The following AHNAK2 variants were observed in gnomAD, a reference collection of about 807,000 sequenced individuals.
AHNAK2 encodes the protein protein AHNAK2.
A neutral mutation model predicts 30.7 loss-of-function variants in AHNAK2; 18 were observed. The observed-to-expected ratio is 0.59, with a 90% CI of 0.41 to 0.87. The LOEUF (loss-of-function observed/expected upper bound fraction) is 0.87, where lower values mean the gene tolerates loss of function less well. AHNAK2 is among the 40% of genes least tolerant of loss of function. The pLI, the probability that AHNAK2 is intolerant of heterozygous loss-of-function variation, is 0.00. For missense variants in AHNAK2, 8,604 were observed against 7,373.0 expected (o/e 1.17, Z -6.11); for synonymous variants, 3,590 against 3,073.8 (o/e 1.17, Z -5.56).
In AHNAK2 at chr14:104,944,908, C is replaced by A. The variant is rs1392120497; in HGVS notation, c.10543G>T (p.Asp3515Tyr). ...ATGCTGAGGTCAGTGGCCTTGAGGT[C>A]CCCCTGCATGGAGGAGAGGCTCACG... is the stretch of plus-strand genomic sequence containing the variant. ...ADVSLSSMQGDLKATDLSIQP... is the reference protein window; with the variant it reads ...ADVSLSSMQGYLKATDLSIQP... The change falls in exon 7 of 7, where the codon GAC becomes TAC. Residue 3515 changes from aspartate (D) to tyrosine (Y), a missense_variant. By Grantham distance (160) the Asp-to-Tyr change is radical. Coordinates refer to ENST00000333244, the MANE Select transcript of AHNAK2 (RefSeq NM_138420.4). 3.1e-6 allele frequency: 5 copies of A among 1,613,230 alleles called. No homozygotes were observed. The highest frequency in any genetic ancestry group is 4.2e-6 in the Non-Finnish European group (5 of 1,179,626).
At chr14:104,961,485 A>C (rs1428572918) in intron 1 of AHNAK2, among the ~76,000 whole-genome samples, 1 of 151,452 alleles carries the variant, frequency 6.6e-6, no homozygotes, top group African/African-American at 2.4e-5. Flanking sequence ...ACTGCACTCC[A>C]GCCTGGGTGA....
In AHNAK2 at chr14:104,939,657, G is replaced by C; in HGVS notation, c.15794C>G (p.Ser5265Cys). ...AEVTASESKS[S>C]TDILRCDLDS... The stretch of plus-strand genomic sequence containing the variant: ...AAGATCACACCTTAGAATATCTGTG[G>C]ATGATTTGCTCTCAGAAGCTGTCAC... The change falls in exon 7 of 7, where the codon TCC becomes TGC. Residue 5265 changes from serine (S) to cysteine (C), a missense_variant. Coordinates refer to ENST00000333244, the MANE Select transcript of AHNAK2 (RefSeq NM_138420.4). The C allele has an allele frequency of 6.2e-7, 1 of 1,613,898 alleles. No homozygotes were observed. The highest frequency in any genetic ancestry group is 8.5e-7 in the Non-Finnish European group (1 of 1,179,900).
chr14:104,947,431 A>G lies in AHNAK2; in HGVS notation c.8020T>C (p.Ser2674Pro). Residue 2674 changes from serine to proline, a missense_variant, in exon 7 of 7, where the codon TCT (serine) becomes CCT (proline). Coordinates refer to ENST00000333244, the MANE Select transcript of AHNAK2 (RefSeq NM_138420.4). ...GESIEALVDV[S>P]ELKVEADMSL... is the part of the protein sequence containing the mutation. ...ATGTCGGCTTCCACCTTCAGCTCAG[A>G]CACATCCACCAACGCCTCGATGGAC... 2 of 1,611,976 alleles carry G rather than the reference A, an allele frequency of 1.2e-6. No homozygotes were observed. Among genetic ancestry groups the G allele is most frequent in the Non-Finnish European group, 1.7e-6 (2 of 1,179,364 alleles).
chr14:104,955,179 G>A, intron 5 of AHNAK2, 38 bp from the exon 6 acceptor site: 1 of 1,571,722 alleles, frequency 6.4e-7, no homozygotes, highest in African/African-American at 1.3e-5. Context: ...CCGGGTGTGT[G>A]AATGAGACGG....
rs75452303 is a variant in AHNAK2, at chr14:104,946,418, T to A, written c.9033A>T (p.Glu3011Asp). 3,759 of 1,606,654 alleles carry A rather than the reference T, an allele frequency of 2.3e-3. 17 individuals carry two copies. Among genetic ancestry groups the A allele is most frequent in the South Asian group, 3.7e-3 (333 of 89,948 alleles). ...VDVSAPKVEA[E>D]VSLPSMQGDL... ...CCCCCTGCATGGAGGGGAGGCTCAC[T>A]TCGGCCTCCACCTTCGGCGCAGACA... The change falls in exon 7 of 7, where the codon GAA (glutamate) becomes GAT (aspartate). Residue 3011 changes from glutamate (E) to aspartate (D), a missense_variant. By Grantham distance (45) the Glu-to-Asp change is conservative. Transcript: ENST00000333244.
At position 104,950,205 on chromosome 14, in the gene AHNAK2, A is replaced by G. The variant is rs11851881; in HGVS notation, c.5246T>C (p.Leu1749Ser). ...GHLPKVQMPS[L>S]KMPKVALKGP... The stretch of plus-strand genomic sequence containing the variant: ...CTTGAGGGCCACTTTGGGCATCTTC[A>G]AACTGGGCATCTGCACCTTGGGGAG... Residue 1749 changes from leucine (L) to serine (S), a missense_variant, in exon 7 of 7, where the codon TTG (leucine) becomes TCG (serine). Transcript: ENST00000333244. 192 of 1,584,740 alleles carry G rather than the reference A, an allele frequency of 1.2e-4. 24 individuals are homozygous for G. The African/African-American group carries it at 2.5e-3, about 21-fold the overall frequency.
In AHNAK2 at chr14:104,948,349, C is replaced by A. The variant is rs146438124; in HGVS notation, c.7102G>T (p.Val2368Phe). Reference protein sequence around the residue: ...QGDLKTTDLSVQPPSADLEVQ... With the variant: ...QGDLKTTDLSFQPPSADLEVQ... ...TCCAGGTCAGCGGAAGGGGGCTGAACGCTGAGGTCAGTGGTCTTGAGGTCC... is the reference window on the plus strand; with the variant it reads ...TCCAGGTCAGCGGAAGGGGGCTGAAAGCTGAGGTCAGTGGTCTTGAGGTCC... The change falls in exon 7 of 7, where the codon GTT (valine) becomes TTT (phenylalanine). Residue 2368 changes from valine to phenylalanine, a missense_variant. Transcript: ENST00000333244. 1 of 1,597,080 alleles carries A rather than the reference C, an allele frequency of 6.3e-7. No individual in the cohort carries two copies. The highest frequency in any genetic ancestry group is 8.5e-7 in the Non-Finnish European group (1 of 1,172,826).
Position 104,939,465 on chromosome 14 carries a change from G to C in AHNAK2, c.15986C>G (p.Pro5329Arg). The C allele has an allele frequency of 6.2e-7, 1 of 1,613,392 alleles. No homozygotes were observed. The highest frequency in any genetic ancestry group is 8.5e-7 in the Non-Finnish European group (1 of 1,179,766). The change falls in exon 7 of 7, where the codon CCT (proline) becomes CGT (arginine). Residue 5329 changes from proline (P) to arginine (R), a missense_variant. Physicochemically the swap from Pro to Arg is moderately radical, Grantham distance 103. Coordinates refer to ENST00000333244, the MANE Select transcript of AHNAK2 (RefSeq NM_138420.4). The part of the protein sequence containing the change: ...QVLPGEIDET[P>R]LSKPGHDLAS... Reference sequence around the variant, plus strand: ...AAGGTCATGTCCTGGCTTGGAAAGAGGAGTCTCATCTATTTCTCCTGGAAG... The same window carrying C: ...AAGGTCATGTCCTGGCTTGGAAAGACGAGTCTCATCTATTTCTCCTGGAAG...
rs1029648035 is a variant in AHNAK2, at chr14:104,968,317, C to T, written c.55+9866G>A. ...CCCTGGCCCAGAAAAGCTGCCTCCC[C>T]GAGAACTGGACTATCCTGGCGCAGG... On this transcript the variant is annotated intron_variant, in intron 1 of 6. Transcript: ENST00000333244. Among the ~76,000 whole-genome samples, 4 of 145,630 alleles carry T rather than the reference C, an allele frequency of 2.7e-5. No homozygotes were observed. The East Asian group carries it at 5.8e-4, about 21-fold the overall frequency.
rs1231855026 is a variant in AHNAK2, at chr14:104,950,546, C to G, written c.4905G>C (p.Leu1635=). 2 of 1,587,240 alleles carry G rather than the reference C, an allele frequency of 1.3e-6. 1 individual carries two copies. The highest frequency in any genetic ancestry group is 1.7e-6 in the Non-Finnish European group (2 of 1,163,060). Residue 1635 remains leucine, a synonymous_variant, in exon 7 of 7, where the codon CTG becomes CTC. Transcript: ENST00000333244. The part of the protein sequence containing the change: ...EVDVQAPRAK[L]DGAQLEGDLS... ...GGTCCCCCTCCAGCTGCGCACCATC[C>G]AGCTTTGCTCTCGGGGCCTGGACGT... is the stretch of plus-strand genomic sequence containing the variant.
Position 104,953,221 on chromosome 14 carries a change from G to A in AHNAK2, c.2230C>T (p.Pro744Ser). The A allele has an allele frequency of 1.9e-6, 3 of 1,612,900 alleles. No homozygotes were observed. Among genetic ancestry groups the A allele is most frequent in the East Asian group, 2.2e-5 (1 of 44,802 alleles). The change falls in exon 7 of 7, where the codon CCG becomes TCG. Residue 744 changes from proline to serine, a missense_variant. Physicochemically the swap from Pro to Ser is moderately conservative, Grantham distance 74. Transcript: ENST00000333244. ...VQDGQVDVKL[P>S]EGPLPEGASL... ...GCTCCCTCGGGCAGGGGGCCCTCCG[G>A]AAGTTTCACATCCACTTGGCCATCC...
rs1176183044 is a variant in AHNAK2, at chr14:104,946,671, C to G, written c.8780G>C (p.Gly2927Ala). 6.2e-7 allele frequency: 1 copy of G among 1,612,978 alleles called. No individual in the cohort carries two copies. Among genetic ancestry groups the G allele is most frequent in the African/African-American group, 1.3e-5 (1 of 74,640 alleles). Residue 2927 changes from glycine (G) to alanine (A), a missense_variant, in exon 7 of 7, where the codon GGC becomes GCC. Physicochemically the swap from Gly to Ala is moderately conservative, Grantham distance 60. Transcript: ENST00000333244. ...GGGGGCCGTCACCTCCGCCTTGGGG[C>G]CTTTCAGGTCCAGCTTGGGGCCCTT... ...DVKGPKLDLK[G>A]PKAEVTAPDV...
At position 104,978,253 on chromosome 14, in the gene AHNAK2, G is replaced by A; in HGVS notation, c.-16C>T. 1.7e-6 allele frequency: 2 copies of A among 1,193,942 alleles called. No individual in the cohort carries two copies. The highest frequency in any genetic ancestry group is 2.1e-6 in the Non-Finnish European group (2 of 963,448). 74.0% of individuals were successfully genotyped at this position (1,193,942 alleles called of 1,614,324 possible). A position where few individuals can be genotyped will look rare whatever the true frequency, so the allele number is the denominator to read the frequency against. ...AGTCGCACATCGCGGCGGCCAGGCG[G>A]TGCGGGCCTGGCGGCCCGTCGCGTC... On this transcript the variant is annotated 5_prime_UTR_variant, in exon 1 of 7. Coordinates refer to ENST00000333244, the MANE Select transcript of AHNAK2 (RefSeq NM_138420.4).
At position 104,938,281 on chromosome 14, in the gene AHNAK2, G is replaced by GTTCTTCCAGCTCTGCCCCATC. The variant is rs1566893940; in HGVS notation, c.17149_17169dup (p.Asp5717_Glu5723dup). On this transcript the variant is annotated inframe_insertion, in exon 7 of 7. Transcript: ENST00000333244. ...GTGATTGTTTCTTCTTGAAGTTTTT[G>GTTCTTCCAGCTCTGCCCCATC]TTCTTCCAGCTCTGCCCCATCTTCG... 2.5e-6 allele frequency: 4 copies of GTTCTTCCAGCTCTGCCCCATC among 1,613,736 alleles called. No individual in the cohort carries two copies. Among genetic ancestry groups the GTTCTTCCAGCTCTGCCCCATC allele is most frequent in the Non-Finnish European group, 3.4e-6 (4 of 1,179,860 alleles).
chr14:104,944,952 G>A lies in AHNAK2; in HGVS notation c.10499C>T (p.Ala3500Val), dbSNP rs374100559. ...GCTCACGTCGGCCTCCACCTTCGGC[G>A]CAGACACATCCAGCGAGGCCTCGAT... ...RSIEASLDVS[A>V]PKVEADVSLS... The change falls in exon 7 of 7, where the codon GCG becomes GTG. Residue 3500 changes from alanine to valine, a missense_variant. Transcript: ENST00000333244. 68 of 1,613,064 alleles carry A rather than the reference G, an allele frequency of 4.2e-5. 1 individual carries two copies. The highest frequency in any genetic ancestry group is 3.5e-4 in the South Asian group (32 of 91,058).
rs1898716747 is a variant in AHNAK2 at position 104,951,604 on chromosome 14, T to C, written c.3847A>G (p.Thr1283Ala). The change falls in exon 7 of 7, where the codon ACG (threonine) becomes GCG (alanine). Residue 1283 changes from threonine (T) to alanine (A), a missense_variant. By Grantham distance (58) the Thr-to-Ala change is moderately conservative. Transcript: ENST00000333244. Reference sequence around the variant, plus strand: ...AGAGACACAGCCACTTCGTGGGCCGTCACCTCTGCCTTATGACCTTTCAGG... The same window carrying C: ...AGAGACACAGCCACTTCGTGGGCCGCCACCTCTGCCTTATGACCTTTCAGG... ...LDLKGHKAEV[T>A]AHEVAVSLPS... is the part of the protein sequence containing the mutation. The C allele has an allele frequency of 1.6e-6, 2 of 1,246,722 alleles. No homozygotes were observed. Among genetic ancestry groups the C allele is most frequent in the African/African-American group, 1.4e-5 (1 of 70,596 alleles). 77.2% of individuals were successfully genotyped at this position (1,246,722 alleles called of 1,614,324 possible).
rs763260185 is a variant in AHNAK2, at chr14:104,946,799, GC to G, written c.8651del (p.Gly2884AlafsTer33). The G allele has an allele frequency of 1.9e-6, 3 of 1,612,778 alleles. No individual in the cohort carries two copies. The African/African-American group carries it at 4.0e-5, about 22-fold the overall frequency. On this transcript the variant is annotated frameshift_variant, in exon 7 of 7. Coordinates refer to ENST00000333244, the MANE Select transcript of AHNAK2 (RefSeq NM_138420.4). LOFTEE classifies it low-confidence loss of function (END_TRUNC). ...AGQVDVKLPE[G>X]HVPEGAGLKG... ...TGAGGCCGGCTCCCTCGGGAACGTG[GC>G]CCTCTGGGAGTTTCACGTCCACCTG...
At position 104,950,372 on chromosome 14, in the gene AHNAK2, G is replaced by T; in HGVS notation, c.5079C>A (p.Ser1693Arg). Residue 1693 changes from serine (S) to arginine (R), a missense_variant, in exon 7 of 7, where the codon AGC (serine) becomes AGA (arginine). By Grantham distance (110) the Ser-to-Arg change is moderately radical. Coordinates refer to ENST00000333244, the MANE Select transcript of AHNAK2 (RefSeq NM_138420.4). ...TCAGGTCCCCCTGCATGGAGGGGAG[G>T]CTCACATCAGCTTCCACCTTCGGCT... ...VSEPKVEADV[S>R]LPSMQGDLKT... 1 of 1,585,854 alleles carries T rather than the reference G, an allele frequency of 6.3e-7. No individual in the cohort carries two copies. The highest frequency in any genetic ancestry group is 1.4e-5 in the African/African-American group (1 of 72,334).
At chr14:104,972,267 C>T (rs964439386) in intron 1 of AHNAK2, among the ~76,000 whole-genome samples, 1 of 152,212 alleles carries the variant, frequency 6.6e-6, no homozygotes, top group Admixed American at 6.5e-5. Context: ...AGATAGAAAA[C>T]GACTCTATTT....
Sources: allele counts gnomAD v4.1 joint callset (sites outside exome capture counted in the v4.1 genomes callset), GRCh38; gene constraint gnomAD v4.1.1; transcripts MANE v1.5; gene names NCBI Gene and HGNC (gene_info 2026-07-23, HGNC 2026-07-21).